The following MIEF1 variants were observed in gnomAD, a reference collection of about 807,000 sequenced individuals.
MIEF1 encodes mitochondrial dynamics protein MIEF1.
Under a neutral mutation model 35.1 loss-of-function variants are expected in MIEF1, and 14 were observed. The ratio of observed to expected loss-of-function variants is 0.40; its 90% confidence interval spans 0.26 to 0.62. The LOEUF is 0.62. Ranked by LOEUF, MIEF1 falls within the 20% of genes least tolerant of loss-of-function variation. MIEF1 has a pLI of 0.43. For missense variants in MIEF1, 542 were observed against 615.4 expected (o/e 0.88, Z 1.26); for synonymous variants, 245 against 254.3 (o/e 0.96, Z 0.35).
Position 39,512,491 on chromosome 22 carries a change from G to T in MIEF1, c.582G>T (p.Leu194=). The change falls in exon 5 of 6, where the codon CTG becomes CTT. Residue 194 remains leucine, a synonymous_variant. Coordinates refer to ENST00000325301, the MANE Select transcript of MIEF1 (RefSeq NM_019008.6). ...TGAGTGGCAGCCTCTACGATGACCT[G>T]CAGGTAACAAGGTGGTTCTCATGGT... ...MYLSGSLYDD[L]QVVTADHIQL... The T allele has an allele frequency of 6.2e-7, 1 of 1,608,988 alleles. No individual in the cohort carries two copies. The highest frequency in any genetic ancestry group is 1.3e-5 in the African/African-American group (1 of 74,998).
Position 39,515,886 on chromosome 22 carries a change from T to C in MIEF1, c.*1563T>C. The C allele has an allele frequency of 6.5e-6, 1 of 154,766 alleles. No individual in the cohort carries two copies. Among genetic ancestry groups the C allele is most frequent in the Admixed American group, 6.4e-5 (1 of 15,716 alleles). 9.6% of individuals were successfully genotyped at this position (154,766 alleles called of 1,614,324 possible). ...CAGCTGTCTCATTCCTTCCCAACGA[T>C]AGTAACAGGAAATGACTCTTTAGCA... On this transcript the variant is annotated 3_prime_UTR_variant, in exon 6 of 6. Transcript: ENST00000325301.
rs766392664 is a variant in MIEF1, at chr22:39,513,502, A to C, written c.586-15A>C. On this transcript the variant is annotated splice_polypyrimidine_tract_variant and intron_variant, in intron 5 of 5. Transcript: ENST00000325301. Reference sequence around the variant, plus strand: ...AGAGTAAACCCTCAAAACCCTTTAAATTCTGCCCTGACAGGTGGTGACAGC... The same window carrying C: ...AGAGTAAACCCTCAAAACCCTTTAACTTCTGCCCTGACAGGTGGTGACAGC... 1 of 1,611,676 alleles carries C rather than the reference A, an allele frequency of 6.2e-7. No individual in the cohort carries two copies. The highest frequency in any genetic ancestry group is 1.7e-5 in the Admixed American group (1 of 59,960).
At position 39,515,211 on chromosome 22, in the gene MIEF1, T is replaced by C; in HGVS notation, c.*888T>C. ...GAATGCTGGTTTTCACACCTTTTCC[T>C]TATTTTATTGCCAATCAGGACAAGG... On this transcript the variant is annotated 3_prime_UTR_variant, in exon 6 of 6. Coordinates refer to ENST00000325301, the MANE Select transcript of MIEF1 (RefSeq NM_019008.6). 1.4e-6 allele frequency: 1 copy of C among 700,262 alleles called. No individual in the cohort carries two copies. The highest frequency in any genetic ancestry group is 1.5e-5 in the South Asian group (1 of 65,584). The allele number at this position is 700,262 out of a possible 1,614,324, so 43.4% of individuals were successfully genotyped here.
upstream of MIEF1, chr22:39,502,050 G>A (rs997625621): frequency 1.3e-5 from 2 of 152,420 alleles, no homozygotes; most frequent in Non-Finnish European, 2.9e-5. Context: ...CGGCAGCCTT[G>A]TTGGACAGCG....
intron 2 of MIEF1, among the ~76,000 whole-genome samples, chr22:39,507,502 C>T (rs1462621316): frequency 1.3e-5 from 2 of 151,788 alleles, no homozygotes; most frequent in Non-Finnish European, 1.5e-5. Flanking sequence ...ACCTTGGCCT[C>T]CCAAAGTGTT....
At chr22:39,502,805 T>C (rs1162840155) in intron 1 of MIEF1, among the ~76,000 whole-genome samples, 1 of 152,210 alleles carries the variant, frequency 6.6e-6, no homozygotes, top group Admixed American at 6.5e-5. Context: ...CATCAAACAC[T>C]TCTGTTGATT....
chr22:39,512,477 C>T lies in MIEF1; in HGVS notation c.568C>T (p.Leu190Phe). 1 of 1,612,450 alleles carries T rather than the reference C, an allele frequency of 6.2e-7. No individual in the cohort carries two copies. Among genetic ancestry groups the T allele is most frequent in the Non-Finnish European group, 8.5e-7 (1 of 1,179,058 alleles). Residue 190 changes from leucine (L) to phenylalanine (F), a missense_variant, in exon 5 of 6, where the codon CTC (leucine) becomes TTC (phenylalanine). Coordinates refer to ENST00000325301, the MANE Select transcript of MIEF1 (RefSeq NM_019008.6). ...PLRDMYLSGS[L>F]YDDLQVVTAD... is the part of the protein sequence containing the mutation. Reference sequence around the variant, plus strand: ...TCGGGACATGTACTTGAGTGGCAGCCTCTACGATGACCTGCAGGTAACAAG... The same window carrying T: ...TCGGGACATGTACTTGAGTGGCAGCTTCTACGATGACCTGCAGGTAACAAG...
In MIEF1 at chr22:39,512,339, C is replaced by T. The variant is rs769059682; in HGVS notation, c.430C>T (p.Arg144Trp). 2.3e-5 allele frequency: 37 copies of T among 1,614,144 alleles called. No individual in the cohort carries two copies. Among genetic ancestry groups the T allele is most frequent in the Admixed American group, 8.3e-5 (5 of 60,016 alleles). ...SLQEKLLTYY[R>W]NRAAIPAGEQ... ...GCAGGAGAAACTTCTTACTTACTAC[C>T]GGAACCGGGCAGCCATCCCTGCTGG... The change falls in exon 5 of 6, where the codon CGG becomes TGG. Residue 144 changes from arginine (R) to tryptophan (W), a missense_variant. Physicochemically the swap from Arg to Trp is moderately radical, Grantham distance 101 (BLOSUM62 -3). Coordinates refer to ENST00000325301, the MANE Select transcript of MIEF1 (RefSeq NM_019008.6).
Position 39,514,070 on chromosome 22 carries a change from T to A in MIEF1, c.1139T>A (p.Leu380His). 1 of 1,614,100 alleles carries A rather than the reference T, an allele frequency of 6.2e-7. No individual in the cohort carries two copies. The highest frequency in any genetic ancestry group is 8.5e-7 in the Non-Finnish European group (1 of 1,180,014). Reference protein sequence around the residue: ...ICKSTPALGHLTASQLTNVIL... With the variant: ...ICKSTPALGHHTASQLTNVIL... ...AAGTCCACCCCGGCTCTGGGCCACCTCACTGCCAGCCAGCTAACCAATGTC... is the reference window on the plus strand; with the variant it reads ...AAGTCCACCCCGGCTCTGGGCCACCACACTGCCAGCCAGCTAACCAATGTC... Residue 380 changes from leucine to histidine, a missense_variant, in exon 6 of 6, where the codon CTC becomes CAC. Leu to His is a moderately conservative substitution (Grantham distance 99, BLOSUM62 -3). Coordinates refer to ENST00000325301, the MANE Select transcript of MIEF1 (RefSeq NM_019008.6).
At position 39,514,251 on chromosome 22, in the gene MIEF1, T is replaced by C. The variant is rs769149699; in HGVS notation, c.1320T>C (p.Pro440=). Residue 440 remains proline, a synonymous_variant, in exon 6 of 6, where the codon CCT becomes CCC. Coordinates refer to ENST00000325301, the MANE Select transcript of MIEF1 (RefSeq NM_019008.6). ...TGAACTTATTTGCAGAGCTCACCCC[T>C]GAAGAAATAGACGAATTAGGATACA... The part of the protein sequence containing the change: ...PKVNLFAELT[P]EEIDELGYTL... The C allele has an allele frequency of 1.9e-6, 3 of 1,614,196 alleles. No individual in the cohort carries two copies. In the South Asian group the frequency reaches 3.3e-5, roughly 18 times the overall value.
At chr22:39,501,535 T>TGGAGGGAGGCAGTTGGG (rs557059120), upstream of MIEF1, 242 of 152,342 alleles carry the variant, frequency 1.6e-3, no homozygotes, top group Non-Finnish European at 1.9e-3. Flanking sequence ...GAGCCAGGCA[T>TGGAGGGAGGCAGTTGGG]GGAGGGAGGC....
Position 39,513,561 on chromosome 22 carries a change from G to A in MIEF1, c.630G>A (p.Leu210=). 6.2e-7 allele frequency: 1 copy of A among 1,614,214 alleles called. No homozygotes were observed. Among genetic ancestry groups the A allele is most frequent in the Non-Finnish European group, 8.5e-7 (1 of 1,180,034 alleles). ...TCCAACTCATTGTGCCCCTTGTGCTGGAGCAGAACCTGTGGTCATGTATTC... is the reference window on the plus strand; with the variant it reads ...TCCAACTCATTGTGCCCCTTGTGCTAGAGCAGAACCTGTGGTCATGTATTC... The part of the protein sequence containing the change: ...DHIQLIVPLV[L]EQNLWSCIPG... Residue 210 remains leucine (L), a synonymous_variant, in exon 6 of 6, where the codon CTG becomes CTA. Coordinates refer to ENST00000325301, the MANE Select transcript of MIEF1 (RefSeq NM_019008.6).
chr22:39,512,202 C>A (rs758220575), intron 4 of MIEF1, 30 bp from the exon 5 acceptor site: 45 of 1,602,142 alleles, frequency 2.8e-5, no homozygotes, highest in Non-Finnish European at 3.7e-5. Context: ...ATGGGCAGAG[C>A]TCACGTGCCT....
chr22:39,516,829 CTCTTT>C lies in MIEF1; in HGVS notation c.*2508_*2512del, dbSNP rs1320606809. On this transcript the variant is annotated 3_prime_UTR_variant, in exon 6 of 6. Coordinates refer to ENST00000325301, the MANE Select transcript of MIEF1 (RefSeq NM_019008.6). ...GTTTATCATCCTTCTTAAAGAGCAT[CTCTTT>C]TAACTGTTGGACAAAACCATAACTT... is the stretch of plus-strand genomic sequence containing the variant. The C allele has an allele frequency of 3.9e-5, 6 of 152,202 alleles. No homozygotes were observed. The highest frequency in any genetic ancestry group is 1.4e-4 in the African/African-American group (6 of 41,434). 9.4% of individuals were successfully genotyped at this position (152,202 alleles called of 1,614,324 possible).
chr22:39,509,019 C>T lies in MIEF1; in HGVS notation c.-7-2269C>T, dbSNP rs111459845. On this transcript the variant is annotated intron_variant, in intron 2 of 5. Coordinates refer to ENST00000325301, the MANE Select transcript of MIEF1 (RefSeq NM_019008.6). Reference sequence around the variant, plus strand: ...GATCCTTTTTTTTTTTTCTTCAAGACGGAGTCTTGCTCTGTCACCCAGGCT... The same window carrying T: ...GATCCTTTTTTTTTTTTCTTCAAGATGGAGTCTTGCTCTGTCACCCAGGCT... 6.0e-3 allele frequency among the ~76,000 whole-genome samples: 913 copies of T among 151,016 alleles called. 10 individuals are homozygous for T. Among genetic ancestry groups the T allele is most frequent in the South Asian group, 0.018 (86 of 4,788 alleles).
chr22:39,511,008 T>C (rs931484324), intron 2 of MIEF1, among the ~76,000 whole-genome samples: 3 of 152,212 alleles, frequency 2.0e-5, no homozygotes, highest in Non-Finnish European at 4.4e-5. Context: ...TTCATTGTAA[T>C]ACAAAAAAGG....
At position 39,511,997 on chromosome 22, in the gene MIEF1, T is replaced by C; in HGVS notation, c.293T>C (p.Leu98Pro). The C allele has an allele frequency of 6.2e-7, 1 of 1,613,800 alleles. No homozygotes were observed. The highest frequency in any genetic ancestry group is 8.5e-7 in the Non-Finnish European group (1 of 1,179,936). ...GGCCTGAGCCGGTCCTTGCAGACCC[T>C]TCCCACAGACTCCTCCACCTTCGAC... ...KTGLSRSLQTLPTDSSTFDTD... is the reference protein window; with the variant it reads ...KTGLSRSLQTPPTDSSTFDTD... The change falls in exon 4 of 6, where the codon CTT (leucine) becomes CCT (proline). Residue 98 changes from leucine to proline, a missense_variant. Coordinates refer to ENST00000325301, the MANE Select transcript of MIEF1 (RefSeq NM_019008.6).
At chr22:39,501,266 G>C (rs1481393092), upstream of MIEF1, among the ~76,000 whole-genome samples, 1 of 152,166 alleles carries the variant, frequency 6.6e-6, no homozygotes, top group Non-Finnish European at 1.5e-5. Context: ...AGGCTTACCT[G>C]GGGGGAGGCC....
At chr22:39,509,683 C>G (rs1930235477) in intron 2 of MIEF1, 1 of 152,216 alleles carries the variant, frequency 6.6e-6, no homozygotes, top group African/African-American at 2.4e-5. Flanking sequence ...TCCCGGTATA[C>G]CAGTCTCACC....
Sources: allele counts gnomAD v4.1 joint callset (sites outside exome capture counted in the v4.1 genomes callset), GRCh38; gene constraint gnomAD v4.1.1; transcripts MANE v1.5; gene names NCBI Gene and HGNC (gene_info 2026-07-23, HGNC 2026-07-21).